The following CHRM3 variants were observed in gnomAD, a reference collection of about 807,000 sequenced individuals.
CHRM3 encodes muscarinic acetylcholine receptor M3.
CHRM3 carries 11 observed loss-of-function variants against 41.8 expected under a neutral mutation model. The ratio of observed to expected loss-of-function variants is 0.26; its 90% CI spans 0.17 to 0.44. The LOEUF is 0.44. CHRM3 is among the 20% of genes least tolerant of loss of function. The probability of loss-of-function intolerance (pLI) is 1.00; values close to 1 mark genes in which losing one functional copy is unlikely to be tolerated. For missense variants in CHRM3, 571 were observed against 745.4 expected (o/e 0.77, Z 2.72); for synonymous variants, 297 against 301.4 (o/e 0.99, Z 0.15).
chr1:239,813,811 G>A (rs1483173171), intron 5 of CHRM3, among the ~76,000 whole-genome samples: 5 of 137,420 alleles, frequency 3.6e-5, no homozygotes, highest in African/African-American at 1.5e-4. Context: ...CAGCTACTCG[G>A]GAGGCTGAGG....
At chr1:239,540,432 AAAAT>A (rs1658662647) in intron 2 of CHRM3, among the ~76,000 whole-genome samples, 1 of 152,220 alleles carries the variant, frequency 6.6e-6, no homozygotes, top group South Asian at 2.1e-4. Flanking sequence ...TCCCAATAGT[AAAAT>A]AAATAGATAA....
intron 2 of CHRM3, among the ~76,000 whole-genome samples, chr1:239,530,518 T>C (rs1670328182): frequency 6.6e-6 from 1 of 152,134 alleles, no homozygotes; most frequent in East Asian, 1.9e-4. Context: ...CAATAGAAAC[T>C]GTCAGTGCAG....
chr1:239,404,376 GAA>G (rs1415986587), intron 1 of CHRM3, among the ~76,000 whole-genome samples: 19 of 61,176 alleles, frequency 3.1e-4, no homozygotes, highest in African/African-American at 1.2e-3. Flanking sequence ...AAGAAAGAAA[GAA>G]AGAAAGAAAG....
At chr1:239,583,589 A>G (rs968604221) in intron 3 of CHRM3, among the ~76,000 whole-genome samples, 1 of 152,094 alleles carries the variant, frequency 6.6e-6, no homozygotes, top group African/African-American at 2.4e-5. Flanking sequence ...TTACTTAGAT[A>G]AGAACTGCTT....
chr1:239,514,904 T>C (rs940547131), intron 2 of CHRM3, among the ~76,000 whole-genome samples: 3 of 152,124 alleles, frequency 2.0e-5, no homozygotes, highest in Non-Finnish European at 2.9e-5. Context: ...AAGTAAAATT[T>C]TGAAATTTGA....
chr1:239,667,447 AAGGCCT>A (rs1465265098), intron 4 of CHRM3, among the ~76,000 whole-genome samples: 2 of 152,058 alleles, frequency 1.3e-5, no homozygotes, highest in Admixed American at 1.3e-4. Flanking sequence ...GCACCATTAC[AAGGCCT>A]TTTCTCCCCT....
chr1:239,904,432 A>G (rs970342583), intron 6 of CHRM3, among the ~76,000 whole-genome samples: 3 of 152,232 alleles, frequency 2.0e-5, no homozygotes, highest in Admixed American at 6.5e-5. Context: ...TTAAAGGCAC[A>G]TCTGTCCTTG....
chr1:239,584,709 T>A (rs2148606644), intron 3 of CHRM3, among the ~76,000 whole-genome samples: 1 of 152,126 alleles, frequency 6.6e-6, no homozygotes, highest in South Asian at 2.1e-4. Flanking sequence ...TTCAAGGGAT[T>A]TTCATTAGAG....
intron 1 of CHRM3, among the ~76,000 whole-genome samples, chr1:239,443,817 A>G (rs1461614224): frequency 1.3e-5 from 2 of 152,230 alleles, no homozygotes; most frequent in Non-Finnish European, 2.9e-5. Flanking sequence ...TATATCCAAA[A>G]TTAGTTGAGT....
chr1:239,713,138 A>C (rs1350120479), intron 5 of CHRM3, among the ~76,000 whole-genome samples: 2 of 152,174 alleles, frequency 1.3e-5, no homozygotes, highest in Non-Finnish European at 2.9e-5. Flanking sequence ...AGAAGACAAG[A>C]GCATAAAGTA....
At chr1:239,797,988 G>A (rs1477751687) in intron 5 of CHRM3, among the ~76,000 whole-genome samples, 2 of 152,086 alleles carry the variant, frequency 1.3e-5, no homozygotes, top group Non-Finnish European at 2.9e-5. Context: ...GTTCAAAGCT[G>A]CAGTGAGCTG....
At chr1:239,687,022 T>C (rs1460448844) in intron 5 of CHRM3, among the ~76,000 whole-genome samples, 3 of 152,088 alleles carry the variant, frequency 2.0e-5, no homozygotes, top group Admixed American at 6.5e-5. Context: ...AAAATAGCTA[T>C]TACTTAATAT....
At chr1:239,547,036 A>G (rs1045830300) in intron 3 of CHRM3, among the ~76,000 whole-genome samples, 2 of 152,324 alleles carry the variant, frequency 1.3e-5, no homozygotes, top group East Asian at 1.9e-4. Context: ...AACAAGTTAT[A>G]TAACCAGGCT....
At chr1:239,523,239 A>G (rs1027078305) in intron 2 of CHRM3, among the ~76,000 whole-genome samples, 1 of 152,290 alleles carries the variant, frequency 6.6e-6, no homozygotes, top group African/African-American at 2.4e-5. Context: ...ACCACTCACA[A>G]TATACAAGAC....
At chr1:239,803,835 C>A (rs1303081028) in intron 5 of CHRM3, among the ~76,000 whole-genome samples, 15 of 152,154 alleles carry the variant, frequency 9.9e-5, no homozygotes, top group Admixed American at 3.9e-4. Flanking sequence ...TAGTGGGTCA[C>A]CCACCCACCC....
intron 5 of CHRM3, among the ~76,000 whole-genome samples, chr1:239,797,745 G>A (rs563139725): frequency 3.9e-5 from 6 of 152,160 alleles, no homozygotes; most frequent in South Asian, 2.1e-4. Context: ...TACTGTACTC[G>A]CCTCAAACTT....
chr1:239,752,627 T>C (rs1665923041), intron 5 of CHRM3, among the ~76,000 whole-genome samples: 1 of 152,162 alleles, frequency 6.6e-6, no homozygotes, highest in Admixed American at 6.5e-5. Context: ...ATAAGTACCA[T>C]GTGGATTTAC....
chr1:239,770,140 G>C (rs898851147), intron 5 of CHRM3, among the ~76,000 whole-genome samples: 2 of 152,142 alleles, frequency 1.3e-5, no homozygotes, highest in African/African-American at 2.4e-5. Flanking sequence ...TGCTTGGAGA[G>C]TACAGCCGAC....
At chr1:239,447,097 G>C (rs1572337419) in intron 1 of CHRM3, among the ~76,000 whole-genome samples, 1 of 152,132 alleles carries the variant, frequency 6.6e-6, no homozygotes, top group African/African-American at 2.4e-5. Flanking sequence ...TCTAATTCAT[G>C]AGCATGTGTA....
Sources: allele counts gnomAD v4.1 joint callset (sites outside exome capture counted in the v4.1 genomes callset), GRCh38; gene constraint gnomAD v4.1.1; transcripts MANE v1.5; gene names NCBI Gene and HGNC (gene_info 2026-07-23, HGNC 2026-07-21).